The following INTS6L variants were observed in gnomAD, a reference collection of about 807,000 sequenced individuals.
INTS6L encodes integrator complex subunit 6 like.
A neutral mutation model predicts 64.7 loss-of-function variants in INTS6L; 18 were observed. The observed-to-expected ratio is 0.28, with a 90% CI of 0.19 to 0.41. The LOEUF is 0.41. Among genes scored for constraint, INTS6L ranks in the 10% least tolerant of loss-of-function variants. INTS6L has a pLI of 1.00. For missense variants in INTS6L, 533 were observed against 661.0 expected (o/e 0.81, Z 2.12); for synonymous variants, 227 against 235.9 (o/e 0.96, Z 0.34).
At position 135,552,155 on chromosome X, in the gene INTS6L, C is replaced by T. The variant is rs781988241; in HGVS notation, c.1059+9C>T. On this transcript the variant is annotated intron_variant, in intron 8 of 17. Transcript: ENST00000639893. ...CCCATACCTGCTGGCAGGTACTTAT[C>T]CTTACCTATTAGCTAAATGTCTGTA... 8.5e-7 allele frequency: 1 copy of T among 1,171,079 alleles called. No individual in the cohort carries two copies. The highest frequency in any genetic ancestry group is 2.0e-5 in the South Asian group (1 of 49,004).
chrX:135,553,302 G>A (rs1201782887), intron 8 of INTS6L, among the ~76,000 whole-genome samples: 1 of 108,740 alleles, frequency 9.2e-6, no homozygotes, highest in African/African-American at 3.4e-5. Flanking sequence ...CATTCTTTTT[G>A]TTTTGTTTTG....
At chrX:135,579,154 G>A (rs1247473910) in intron 15 of INTS6L, among the ~76,000 whole-genome samples, 4 of 112,023 alleles carry the variant, frequency 3.6e-5, no homozygotes, top group Non-Finnish European at 7.5e-5. Context: ...AGGGAACGTT[G>A]CTCTGGCTGT....
At chrX:135,581,233 C>A in intron 17 of INTS6L, 90 bp downstream of exon 17, 1 of 715,190 alleles carries the variant, frequency 1.4e-6, no homozygotes, top group Non-Finnish European at 2.0e-6. Flanking sequence ...TAGGCTCTGC[C>A]TTGCTTTTTT....
chrX:135,528,735 G>A (rs1278693746), intron 2 of INTS6L, among the ~76,000 whole-genome samples: 1 of 111,095 alleles, frequency 9.0e-6, no homozygotes, highest in Non-Finnish European at 1.9e-5. Context: ...AATTCCATAT[G>A]TGAAATTTGC....
Position 135,545,572 on chromosome X carries a change from G to T in INTS6L, c.339G>T (p.Gln113His). 8.4e-7 allele frequency: 1 copy of T among 1,191,408 alleles called. No homozygotes were observed. The highest frequency in any genetic ancestry group is 1.1e-6 in the Non-Finnish European group (1 of 886,078). Residue 113 changes from glutamine to histidine, a missense_variant and splice_region_variant, in exon 3 of 18, where the codon CAG (glutamine) becomes CAT (histidine). Physicochemically the swap from Gln to His is conservative, Grantham distance 24 (BLOSUM62 0). Transcript: ENST00000639893. ...RLISGIDNYGQGRNPFFLEPS... is the reference protein window; with the variant it reads ...RLISGIDNYGHGRNPFFLEPS... ...TATCTGGAATAGACAATTATGGACA[G>T]GTAAAAATAATTTGAGTGAGTACAG...
intron 9 of INTS6L, among the ~76,000 whole-genome samples, chrX:135,566,386 C>T (rs188921746): frequency 8.9e-6 from 1 of 112,004 alleles, no homozygotes; most frequent in Admixed American, 9.5e-5. Flanking sequence ...CTATATTATA[C>T]TAAGAAGGCT....
Position 135,579,960 on chromosome X carries a change from T to C in INTS6L, c.2292T>C (p.Asp764=), listed in dbSNP as rs781815927. 25 of 1,209,984 alleles carry C rather than the reference T, an allele frequency of 2.1e-5. No individual in the cohort carries two copies. In the African/African-American group the frequency reaches 3.2e-4, roughly 15 times the overall value. The change falls in exon 16 of 18, where the codon GAT becomes GAC. Residue 764 remains aspartate, a synonymous_variant. Coordinates refer to ENST00000639893, the MANE Select transcript of INTS6L (RefSeq NM_001351601.3). ...LSDDFTSLSK[D]GLIQKPGSNA... Reference sequence around the variant, plus strand: ...ACGACTTCACAAGTCTCAGCAAAGATGGGCTGATTCAAAAACCTGGTAGTA... The same window carrying C: ...ACGACTTCACAAGTCTCAGCAAAGACGGGCTGATTCAAAAACCTGGTAGTA...
intron 2 of INTS6L, among the ~76,000 whole-genome samples, chrX:135,530,158 G>A (rs1234177964): frequency 8.9e-6 from 1 of 112,430 alleles, no homozygotes; most frequent in Non-Finnish European, 1.9e-5. Context: ...ATGTAATAGT[G>A]CTTGGCATTG....
At position 135,552,601 on chromosome X, in the gene INTS6L, G is replaced by A. The variant is rs147612206; in HGVS notation, c.1059+455G>A. On this transcript the variant is annotated intron_variant, in intron 8 of 17. Transcript: ENST00000639893. The stretch of plus-strand genomic sequence containing the variant: ...TTAGTGTAATATAATAAAACTCTTC[G>A]TCCTGTGGTACAAATCACACTAAAA... Among the ~76,000 whole-genome samples the A allele has an allele frequency of 1.8e-3, 199 of 111,988 alleles. 1 individual carries two copies. Among genetic ancestry groups the A allele is most frequent in the African/African-American group, 6.3e-3 (193 of 30,852 alleles).
intron 9 of INTS6L, among the ~76,000 whole-genome samples, chrX:135,562,220 ACTTT>A (rs1431175283): frequency 9.0e-6 from 1 of 110,992 alleles, no homozygotes; most frequent in African/African-American, 3.3e-5. Flanking sequence ...CATTCACTTT[ACTTT>A]GTCTTTTGAT....
In INTS6L at chrX:135,558,180, C is replaced by T. The variant is rs113809832; in HGVS notation, c.1192+1880C>T. Among the ~76,000 whole-genome samples, 340 of 111,748 alleles carry T rather than the reference C, an allele frequency of 3.0e-3. 2 individuals carry two copies. Among genetic ancestry groups the T allele is most frequent in the African/African-American group, 0.011 (327 of 30,749 alleles). ...AGTGTTGGTAAAGATGTGGAGAAAT[C>T]GGAATTCTTGTGCACTCTTAGGAAT... is the stretch of plus-strand genomic sequence containing the variant. On this transcript the variant is annotated intron_variant, in intron 9 of 17. Coordinates refer to ENST00000639893, the MANE Select transcript of INTS6L (RefSeq NM_001351601.3).
chrX:135,581,768 T>C lies in INTS6L; in HGVS notation c.*132T>C, dbSNP rs945905222. The C allele has an allele frequency of 3.7e-5, 18 of 487,561 alleles. No individual in the cohort carries two copies. The highest frequency in any genetic ancestry group is 3.0e-4 in the African/African-American group (12 of 39,860). The allele number at this position is 487,561 out of a possible 1,213,427, so 40.2% of individuals were successfully genotyped here. A position where few individuals can be genotyped will look rare whatever the true frequency, so the allele number is the denominator to read the frequency against. ...ATGCTAAGAAGCAGCAGTGGGGCTT[T>C]TGAATTTTATGATTATCTGGCAGTG... On this transcript the variant is annotated 3_prime_UTR_variant, in exon 18 of 18. Coordinates refer to ENST00000639893, the MANE Select transcript of INTS6L (RefSeq NM_001351601.3).
intron 2 of INTS6L, among the ~76,000 whole-genome samples, chrX:135,521,520 G>T (rs1368424719): frequency 1.8e-5 from 2 of 111,041 alleles, no homozygotes; most frequent in Non-Finnish European, 1.9e-5. Flanking sequence ...GGGGACCGGG[G>T]AGGAGCAGCC....
At chrX:135,537,821 T>G (rs896393520) in intron 2 of INTS6L, among the ~76,000 whole-genome samples, 1 of 112,545 alleles carries the variant, frequency 8.9e-6, no homozygotes, top group Non-Finnish European at 1.9e-5. Flanking sequence ...TCACAAGAAT[T>G]TTTTGCTTTC....
chrX:135,570,700 TC>T, intron 11 of INTS6L, 154 bp downstream of exon 11: 1 of 636,679 alleles, frequency 1.6e-6, no homozygotes, highest in Non-Finnish European at 2.2e-6. Flanking sequence ...GCTTCTAGCT[TC>T]ACCATTAAGC....
At chrX:135,549,579 CAAG>C in intron 6 of INTS6L, 60 bp from the exon 7 acceptor site, 3 of 1,117,846 alleles carry the variant, frequency 2.7e-6, no homozygotes, top group Non-Finnish European at 1.2e-6. Flanking sequence ...AAAATTTGTA[CAAG>C]AAGATCAGCA....
chrX:135,535,595 T>A (rs2086032220), intron 2 of INTS6L, among the ~76,000 whole-genome samples: 1 of 112,505 alleles, frequency 8.9e-6, no homozygotes, highest in South Asian at 3.7e-4. Flanking sequence ...GATGACAGAA[T>A]GCTAAGTTGA....
intron 8 of INTS6L, among the ~76,000 whole-genome samples, chrX:135,554,883 CTTTTTTT>C (rs35845600): frequency 2.0e-5 from 1 of 50,471 alleles, no homozygotes; most frequent in Non-Finnish European, 3.1e-5. Context: ...ACCAGCATAA[CTTTTTTT>C]TTTTTTTTTT....
chrX:135,581,199 C>A, intron 17 of INTS6L, 56 bp downstream of exon 17: 1 of 905,078 alleles, frequency 1.1e-6, no homozygotes. Context: ...AGCAGTAGGG[C>A]CCAGTGCAGG....
Sources: allele counts gnomAD v4.1 joint callset (sites outside exome capture counted in the v4.1 genomes callset), GRCh38; gene constraint gnomAD v4.1.1; transcripts MANE v1.5; gene names NCBI Gene and HGNC (gene_info 2026-07-23, HGNC 2026-07-21).